The following PBX3 variants were observed in gnomAD, a reference collection of about 807,000 sequenced individuals.
PBX3 encodes the protein PBX homeobox 3.
A neutral mutation model predicts 48.5 loss-of-function variants in PBX3; 14 were observed. The observed-to-expected ratio is 0.29, with a 90% CI of 0.19 to 0.45. PBX3 has a LOEUF of 0.45. Ranked by LOEUF, PBX3 falls within the 20% of genes least tolerant of loss-of-function variation. The probability of loss-of-function intolerance (pLI) is 1.00; values close to 1 mark genes in which losing one functional copy is unlikely to be tolerated. For missense variants in PBX3, 386 were observed against 546.7 expected (o/e 0.71, Z 2.93); for synonymous variants, 210 against 200.3 (o/e 1.05, Z -0.41).
At position 125,817,461 on chromosome 9, in the gene PBX3, G is replaced by A. The variant is rs185413592; in HGVS notation, c.274+68838G>A. ...TAGATTAATCCACTGGGGTTTGTGCGATAGATACATGTCCCCTATTCTGAA... is the reference window on the plus strand; with the variant it reads ...TAGATTAATCCACTGGGGTTTGTGCAATAGATACATGTCCCCTATTCTGAA... On this transcript the variant is annotated intron_variant, in intron 2 of 8. Coordinates refer to ENST00000373489, the MANE Select transcript of PBX3 (RefSeq NM_006195.6). Among the ~76,000 whole-genome samples the A allele has an allele frequency of 3.2e-4, 49 of 152,164 alleles. 1 individual carries two copies. The highest frequency in any genetic ancestry group is 9.9e-4 in the African/African-American group (41 of 41,492).
intron 2 of PBX3, among the ~76,000 whole-genome samples, chr9:125,840,046 G>T (rs1839246184): frequency 2.6e-5 from 4 of 152,034 alleles, no homozygotes; most frequent in Admixed American, 2.6e-4. Flanking sequence ...GTAAATATGG[G>T]TATCAGCAGA....
chr9:125,915,974 C>G (rs1285959976), intron 3 of PBX3, 47 bp downstream of exon 3: 1 of 1,596,758 alleles, frequency 6.3e-7, no homozygotes, highest in Non-Finnish European at 8.5e-7. Context: ...CTCTGTTGCT[C>G]TTCTATTAGA....
chr9:125,810,249 T>C (rs1306138665), intron 2 of PBX3, among the ~76,000 whole-genome samples: 1 of 152,198 alleles, frequency 6.6e-6, no homozygotes, highest in South Asian at 2.1e-4. Context: ...TTCTAACTTA[T>C]TATGACTCAT....
At chr9:125,945,627 C>G (rs1231558666) in intron 5 of PBX3, among the ~76,000 whole-genome samples, 2 of 152,134 alleles carry the variant, frequency 1.3e-5, no homozygotes, top group African/African-American at 4.8e-5. Flanking sequence ...CTTATATTCT[C>G]AAGGCCTAGC....
intron 2 of PBX3, chr9:125,797,368 A>T (rs995099524): frequency 6.6e-6 from 1 of 152,018 alleles, no homozygotes; most frequent in Non-Finnish European, 1.5e-5. Context: ...TCAATTTTTC[A>T]CTCATTGAAC....
chr9:125,773,866 C>T (rs1837004452), intron 2 of PBX3, among the ~76,000 whole-genome samples: 2 of 152,256 alleles, frequency 1.3e-5, no homozygotes, highest in South Asian at 4.1e-4. Context: ...GTAAAATTTG[C>T]ATAACCTAAA....
chr9:125,828,732 T>C (rs1048962411), intron 2 of PBX3, among the ~76,000 whole-genome samples: 6 of 152,252 alleles, frequency 3.9e-5, no homozygotes, highest in African/African-American at 1.4e-4. Context: ...TTTGGTAATA[T>C]GTTTAGAATG....
chr9:125,866,481 A>T (rs183358602), intron 2 of PBX3, among the ~76,000 whole-genome samples: 3 of 152,300 alleles, frequency 2.0e-5, no homozygotes, highest in Admixed American at 6.5e-5. Flanking sequence ...TGGGGTTTAC[A>T]TTCTAGTGGA....
chr9:125,962,170 G>C lies in PBX3; in HGVS notation c.1078G>C (p.Asp360His), dbSNP rs1355153163. 17 of 1,613,422 alleles carry C rather than the reference G, an allele frequency of 1.1e-5. No individual in the cohort carries two copies. Among genetic ancestry groups the C allele is most frequent in the Non-Finnish European group, 1.4e-5 (17 of 1,179,376 alleles). The change falls in exon 7 of 9, where the codon GAT becomes CAT. Residue 360 changes from aspartate (D) to histidine (H), a missense_variant. Asp to His is a moderately conservative substitution (Grantham distance 81). Coordinates refer to ENST00000373489, the MANE Select transcript of PBX3 (RefSeq NM_006195.6). ...CATGAACATGCAGAGTCTGAATGGGGATTCTTACCAAGGGTCCCAAGTCGG... is the reference window on the plus strand; with the variant it reads ...CATGAACATGCAGAGTCTGAATGGGCATTCTTACCAAGGGTCCCAAGTCGG... ...MFMNMQSLNGDSYQGSQVGAN... is the reference protein window; with the variant it reads ...MFMNMQSLNGHSYQGSQVGAN...
intron 2 of PBX3, among the ~76,000 whole-genome samples, chr9:125,880,979 A>G (rs997819218): frequency 2.6e-5 from 4 of 152,240 alleles, no homozygotes; most frequent in African/African-American, 4.8e-5. Flanking sequence ...TTTTACTGCT[A>G]TAGAGCAATG....
At chr9:125,767,542 T>G (rs1351188430) in intron 2 of PBX3, among the ~76,000 whole-genome samples, 2 of 152,176 alleles carry the variant, frequency 1.3e-5, no homozygotes, top group African/African-American at 2.4e-5. Flanking sequence ...TAGTGTAGTT[T>G]CCTATGTGAA....
At chr9:125,901,936 C>T (rs73667285) in intron 2 of PBX3, among the ~76,000 whole-genome samples, 5,806 of 151,770 alleles carry the variant, frequency 0.038, 392 homozygotes, top group African/African-American at 0.13. Flanking sequence ...TAGACCGTGA[C>T]GCACAATGTT....
chr9:125,853,233 G>C (rs1201064934), intron 2 of PBX3, among the ~76,000 whole-genome samples: 1 of 152,130 alleles, frequency 6.6e-6, no homozygotes, highest in Non-Finnish European at 1.5e-5. Context: ...TAAAAATAAT[G>C]CTGACAAATT....
chr9:125,839,729 T>A (rs1839236513), intron 2 of PBX3, among the ~76,000 whole-genome samples: 1 of 152,158 alleles, frequency 6.6e-6, no homozygotes, highest in African/African-American at 2.4e-5. Flanking sequence ...GTATATATAT[T>A]GTATGGACAA....
intron 2 of PBX3, among the ~76,000 whole-genome samples, chr9:125,824,337 AT>A (rs1465898515): frequency 6.6e-6 from 1 of 152,172 alleles, no homozygotes; most frequent in African/African-American, 2.4e-5. Flanking sequence ...TGTGCTAGAT[AT>A]GCCTGGAATG....
chr9:125,853,985 T>C (rs1055728988), intron 2 of PBX3, among the ~76,000 whole-genome samples: 8 of 150,544 alleles, frequency 5.3e-5, no homozygotes, highest in Non-Finnish European at 7.4e-5. Context: ...GGCTGCTGTA[T>C]ACACACACAC....
intron 2 of PBX3, among the ~76,000 whole-genome samples, chr9:125,766,357 T>C (rs1249830000): frequency 6.6e-6 from 1 of 152,132 alleles, no homozygotes; most frequent in African/African-American, 2.4e-5. Context: ...GTAATTTATA[T>C]GTATTACTGC....
intron 3 of PBX3, among the ~76,000 whole-genome samples, chr9:125,928,389 CAAATGT>C (rs1408829242): frequency 5.7e-5 from 7 of 123,340 alleles, no homozygotes; most frequent in African/African-American, 2.3e-4. Context: ...TTAGGGGAAA[CAAATGT>C]GTGTGTGTGT....
intron 3 of PBX3, among the ~76,000 whole-genome samples, chr9:125,926,548 G>T (rs1219966465): frequency 1.3e-5 from 2 of 151,874 alleles, no homozygotes; most frequent in African/African-American, 4.8e-5. Flanking sequence ...ATTTATTACA[G>T]GCTCATGCCT....
Sources: gnomAD v4.1 joint callset for allele counts (sites outside exome capture counted in the v4.1 genomes callset) on GRCh38, gnomAD v4.1.1 for gene constraint, MANE v1.5 for transcripts, NCBI Gene and HGNC (gene_info 2026-07-23, HGNC 2026-07-21) for gene names.